KLF12: variants seen among roughly 807,000 people sequenced by gnomAD.
KLF12 encodes Krueppel-like factor 12.
Under a neutral mutation model 37.8 loss-of-function variants are expected in KLF12, and 9 were observed. The observed-to-expected ratio is 0.24, with a 90% CI of 0.14 to 0.42. The LOEUF (loss-of-function observed/expected upper bound fraction) is 0.42, where lower values mean the gene tolerates loss of function less well. Ranked by LOEUF, KLF12 falls within the 10% of genes least tolerant of loss-of-function variation. The pLI, the probability that KLF12 is intolerant of heterozygous loss-of-function variation, is 1.00. For synonymous variants in KLF12, 208 were observed against 202.1 expected, an observed-to-expected ratio of 1.03 and a Z score of -0.25; for missense variants, 411 against 516.0, an observed-to-expected ratio of 0.80 and a Z score of 1.97.
At chr13:73,708,168 T>C (rs955102673) in intron 7 of KLF12, among the ~76,000 whole-genome samples, 2 of 152,188 alleles carry the variant, frequency 1.3e-5, no homozygotes, top group Non-Finnish European at 2.9e-5. Flanking sequence ...TTCCTTAATG[T>C]ACAAAATTCA....
At chr13:74,072,766 T>C (rs1056090598) in intron 1 of KLF12, among the ~76,000 whole-genome samples, 7 of 152,134 alleles carry the variant, frequency 4.6e-5, no homozygotes, top group Non-Finnish European at 1.0e-4. Context: ...ATGACTACAA[T>C]GTAAGCTACA....
chr13:74,133,436 C>G (rs1878379360), intron 1 of KLF12, among the ~76,000 whole-genome samples: 1 of 150,950 alleles, frequency 6.6e-6, no homozygotes, highest in African/African-American at 2.4e-5. Flanking sequence ...ATTCACGTTA[C>G]TTGATAACTT....
chr13:73,725,474 AAAAC>A (rs200185942), intron 6 of KLF12, among the ~76,000 whole-genome samples: 1,930 of 152,346 alleles, frequency 0.013, 21 homozygotes, highest in Middle Eastern at 0.024. Flanking sequence ...CAAGAAAACA[AAAAC>A]AAAAAAATAG....
intron 1 of KLF12, among the ~76,000 whole-genome samples, chr13:74,038,461 G>A (rs1188928135): frequency 1.3e-5 from 2 of 152,062 alleles, no homozygotes; most frequent in Non-Finnish European, 2.9e-5. Flanking sequence ...GGTCATCCAC[G>A]ACAAAAAGCA....
chr13:74,042,474 G>A (rs1893433104), intron 1 of KLF12, among the ~76,000 whole-genome samples: 1 of 152,124 alleles, frequency 6.6e-6, no homozygotes, highest in Non-Finnish European at 1.5e-5. Context: ...CCGTAACAAA[G>A]ACATTAAAAG....
the KLF12 span, among the ~76,000 whole-genome samples, chr13:74,249,840 C>T: frequency 2.0e-5 from 3 of 152,086 alleles, no homozygotes; most frequent in African/African-American, 4.8e-5. Flanking sequence ...ATGAGGTAAA[C>T]AGAGTCAGTG....
In KLF12 at chr13:73,692,593, T is replaced by C. The variant is rs1338483783; in HGVS notation, c.*2897A>G. 6.6e-6 allele frequency: 1 copy of C among 152,666 alleles called. No homozygotes were observed. Among genetic ancestry groups the C allele is most frequent in the Non-Finnish European group, 1.5e-5 (1 of 68,046 alleles). 9.5% of individuals were successfully genotyped at this position (152,666 alleles called of 1,614,324 possible). On this transcript the variant is annotated 3_prime_UTR_variant, in exon 8 of 8. Coordinates refer to ENST00000377669, the MANE Select transcript of KLF12 (RefSeq NM_007249.5). ...TTTTGAAAGAGGCTAGAAATGGACA[T>C]GAGATGAAATGGAGGCTCTTCCATG... is the stretch of plus-strand genomic sequence containing the variant.
intron 5 of KLF12, among the ~76,000 whole-genome samples, chr13:73,776,292 G>C (rs1880603100): frequency 6.6e-6 from 1 of 152,178 alleles, no homozygotes; most frequent in Non-Finnish European, 1.5e-5. Context: ...TGTAGTAGCA[G>C]TTTCCTCACT....
chr13:74,256,974 A>G, the KLF12 span: 1 of 152,158 alleles, frequency 6.6e-6, no homozygotes, highest in African/African-American at 2.4e-5. Context: ...CAGCTAACCC[A>G]TGAGGCATCC....
intron 5 of KLF12, among the ~76,000 whole-genome samples, chr13:73,781,633 C>T (rs983632188): frequency 2.6e-5 from 4 of 152,266 alleles, no homozygotes; most frequent in African/African-American, 9.6e-5. Context: ...CTGGAAATTA[C>T]CCACAATTGC....
intron 3 of KLF12, among the ~76,000 whole-genome samples, chr13:73,863,818 G>A (rs866673366): frequency 6.6e-5 from 10 of 152,066 alleles, no homozygotes; most frequent in South Asian, 4.1e-4. Flanking sequence ...ATAGCACCCC[G>A]CCAGGAGGGC....
At chr13:74,269,840 G>T in the KLF12 span, among the ~76,000 whole-genome samples, 2 of 152,138 alleles carry the variant, frequency 1.3e-5, no homozygotes, top group East Asian at 3.9e-4. Flanking sequence ...TCATGCCAGG[G>T]ATTTTGAATA....
rs371320427 is a variant in KLF12, at chr13:73,733,045, T to C, written c.870-17520A>G. Among the ~76,000 whole-genome samples, 16 of 152,292 alleles carry C rather than the reference T, an allele frequency of 1.1e-4. No homozygotes were observed. In the East Asian group the frequency reaches 2.9e-3, roughly 28 times the overall value. ...TTGAATACTTCCATCTTCACTGCCATACTCATCTCTTATCTGGCTACCTGC... is the reference window on the plus strand; with the variant it reads ...TTGAATACTTCCATCTTCACTGCCACACTCATCTCTTATCTGGCTACCTGC... On this transcript the variant is annotated intron_variant, in intron 6 of 7. Coordinates refer to ENST00000377669, the MANE Select transcript of KLF12 (RefSeq NM_007249.5).
intron 6 of KLF12, among the ~76,000 whole-genome samples, chr13:73,726,278 T>C (rs1165839236): frequency 6.6e-6 from 1 of 152,220 alleles, no homozygotes; most frequent in African/African-American, 2.4e-5. Flanking sequence ...CTTCTTTCTT[T>C]TGTGGCTAAT....
At chr13:74,140,523 A>G in the KLF12 span, among the ~76,000 whole-genome samples, 4 of 152,206 alleles carry the variant, frequency 2.6e-5, no homozygotes, top group Non-Finnish European at 4.4e-5. Flanking sequence ...CAATTACACT[A>G]TCATATTTGA....
chr13:74,115,163 A>T (rs1011324811), intron 1 of KLF12, among the ~76,000 whole-genome samples: 3 of 152,170 alleles, frequency 2.0e-5, no homozygotes, highest in African/African-American at 7.2e-5. Flanking sequence ...CTGTACAATT[A>T]TTTTTTATAG....
the KLF12 span, among the ~76,000 whole-genome samples, chr13:74,231,198 A>G: frequency 6.8e-6 from 1 of 146,706 alleles, no homozygotes; most frequent in Non-Finnish European, 1.5e-5. Flanking sequence ...GTCAGGGACC[A>G]TGTCATTTTT....
intron 1 of KLF12, among the ~76,000 whole-genome samples, chr13:74,117,720 G>C (rs868413560): frequency 6.6e-6 from 1 of 152,074 alleles, no homozygotes; most frequent in Non-Finnish European, 1.5e-5. Flanking sequence ...CACTGAGAAG[G>C]GTTCGTCACC....
intron 5 of KLF12, among the ~76,000 whole-genome samples, chr13:73,802,498 G>T (rs1339204009): frequency 6.6e-6 from 1 of 151,674 alleles, no homozygotes; most frequent in Non-Finnish European, 1.5e-5. Context: ...AGATTTAGGG[G>T]CAACAATGTG....
Sources: allele counts gnomAD v4.1 joint callset (sites outside exome capture counted in the v4.1 genomes callset), GRCh38; gene constraint gnomAD v4.1.1; transcripts MANE v1.5; gene names NCBI Gene and HGNC (gene_info 2026-07-23, HGNC 2026-07-21).